MARK1: variants seen among roughly 807,000 people sequenced by gnomAD.
MARK1 encodes microtubule affinity regulating kinase 1.
In MARK1, 40 loss-of-function variants were observed where a neutral mutation model predicts 96.3. The ratio of observed to expected loss-of-function variants is 0.42; its 90% CI spans 0.32 to 0.54. The LOEUF is 0.54. MARK1 is among the 20% of genes least tolerant of loss of function. The pLI is 0.16. For synonymous variants in MARK1, 317 were observed against 341.2 expected (o/e 0.93, Z 0.78); for missense variants, 719 against 984.6 (o/e 0.73, Z 3.61).
At chr1:220,561,256 C>T (rs1662650667) in intron 1 of MARK1, among the ~76,000 whole-genome samples, 1 of 152,186 alleles carries the variant, frequency 6.6e-6, no homozygotes, top group South Asian at 2.1e-4. Flanking sequence ...GATAAATGCT[C>T]TGTATCAAGC....
intron 13 of MARK1, among the ~76,000 whole-genome samples, chr1:220,636,490 A>C (rs960795934): frequency 6.6e-6 from 1 of 152,184 alleles, no homozygotes; most frequent in Non-Finnish European, 1.5e-5. Flanking sequence ...AAAATATAAA[A>C]GAAAACTAAG....
chr1:220,596,948 T>TA (rs759389030), intron 3 of MARK1, among the ~76,000 whole-genome samples: 29 of 152,320 alleles, frequency 1.9e-4, no homozygotes, highest in Non-Finnish European at 3.4e-4. Flanking sequence ...AGGTACCTTA[T>TA]ATAAGCATAA....
intron 1 of MARK1, among the ~76,000 whole-genome samples, chr1:220,573,706 C>T (rs1663635341): frequency 6.6e-6 from 1 of 152,058 alleles, no homozygotes; most frequent in South Asian, 2.1e-4. Context: ...AGTTCATTGA[C>T]CCTTTCTTCT....
At chr1:220,626,240 G>T in intron 9 of MARK1, 1 of 529,964 alleles carries the variant, frequency 1.9e-6, no homozygotes, top group Non-Finnish European at 3.7e-6. Flanking sequence ...TATCACCAGA[G>T]GGTGCTGTAT....
chr1:220,572,532 C>T (rs971561162), intron 1 of MARK1, among the ~76,000 whole-genome samples: 5 of 152,148 alleles, frequency 3.3e-5, no homozygotes, highest in East Asian at 3.8e-4. Context: ...AGTGAGCCAC[C>T]GCGCCTGGTG....
At chr1:220,625,994 G>A in intron 9 of MARK1, 1 of 545,976 alleles carries the variant, frequency 1.8e-6, no homozygotes, top group Non-Finnish European at 3.7e-6. Context: ...ACATGTTCGA[G>A]CACAGCAAGC....
intron 3 of MARK1, among the ~76,000 whole-genome samples, chr1:220,588,733 A>G (rs1664807885): frequency 6.6e-6 from 1 of 152,208 alleles, no homozygotes. Context: ...GATAAAATAT[A>G]TATATACATA....
At chr1:220,640,199 C>A (rs532579104) in intron 13 of MARK1, among the ~76,000 whole-genome samples, 87 of 152,272 alleles carry the variant, frequency 5.7e-4, no homozygotes, top group African/African-American at 1.9e-3. Flanking sequence ...AACATTAAAT[C>A]CATTCAAATG....
At chr1:220,585,988 C>CAA (rs1239742854) in intron 3 of MARK1, among the ~76,000 whole-genome samples, 1 of 15,648 alleles carries the variant, frequency 6.4e-5, no homozygotes, top group South Asian at 0.056. Flanking sequence ...TACGTATACA[C>CAA]ACACACACAC....
intron 3 of MARK1, among the ~76,000 whole-genome samples, chr1:220,587,665 C>T (rs778722238): frequency 7.2e-5 from 11 of 152,218 alleles, no homozygotes; most frequent in East Asian, 1.9e-4. Flanking sequence ...CCACCGTGCC[C>T]AGCCTTGTTC....
At chr1:220,638,198 A>G (rs1176020974) in intron 13 of MARK1, among the ~76,000 whole-genome samples, 1 of 152,074 alleles carries the variant, frequency 6.6e-6, no homozygotes, top group East Asian at 1.9e-4. Context: ...CATAGCAGAA[A>G]GAAATAATTG....
intron 1 of MARK1, among the ~76,000 whole-genome samples, chr1:220,542,388 T>G (rs1490619399): frequency 1.3e-5 from 2 of 152,202 alleles, no homozygotes; most frequent in African/African-American, 4.8e-5. Flanking sequence ...CTTATTGAAT[T>G]GCTGGTATTT....
At chr1:220,610,224 A>G (rs1666359379) in intron 6 of MARK1, among the ~76,000 whole-genome samples, 1 of 152,114 alleles carries the variant, frequency 6.6e-6, no homozygotes, top group South Asian at 2.1e-4. Context: ...ACAGTCCCGT[A>G]TTTCTTGGAG....
intron 9 of MARK1, among the ~76,000 whole-genome samples, chr1:220,620,261 A>T (rs888863843): frequency 1.1e-4 from 16 of 152,352 alleles, no homozygotes; most frequent in Middle Eastern, 3.4e-3. Flanking sequence ...GTACTATATA[A>T]TGCCCACTTT....
rs1399497845 is a variant in MARK1, at chr1:220,557,124, A to T, written c.52-22230A>T. Among the ~76,000 whole-genome samples, 15 of 152,180 alleles carry T rather than the reference A, an allele frequency of 9.9e-5. No individual in the cohort carries two copies. The East Asian group carries it at 2.9e-3, about 29-fold the overall frequency. On this transcript the variant is annotated intron_variant, in intron 1 of 17. Coordinates refer to ENST00000366917, the MANE Select transcript of MARK1 (RefSeq NM_018650.5). ...ATGGCAAACTCACAATAGAAAGAAAATTTTAATAACAGAGAAAACATGATT... is the reference window on the plus strand; with the variant it reads ...ATGGCAAACTCACAATAGAAAGAAATTTTTAATAACAGAGAAAACATGATT...
At chr1:220,660,674 C>T (rs1669429898) in intron 17 of MARK1, among the ~76,000 whole-genome samples, 1 of 152,098 alleles carries the variant, frequency 6.6e-6, no homozygotes, top group South Asian at 2.1e-4. Context: ...TTTGATGAAG[C>T]TATGAAGGTT....
intron 5 of MARK1, among the ~76,000 whole-genome samples, chr1:220,602,365 A>C (rs1289850804): frequency 6.6e-6 from 1 of 152,174 alleles, no homozygotes. Flanking sequence ...ACCATGTGTC[A>C]GGTAATGTTC....
intron 1 of MARK1, among the ~76,000 whole-genome samples, chr1:220,550,646 G>C (rs1035498731): frequency 6.6e-6 from 1 of 152,208 alleles, no homozygotes; most frequent in African/African-American, 2.4e-5. Context: ...GAGCTGAGGA[G>C]TTCTTCTAAT....
At chr1:220,617,520 G>A (rs1016712526) in intron 7 of MARK1, among the ~76,000 whole-genome samples, 1 of 152,066 alleles carries the variant, frequency 6.6e-6, no homozygotes, top group Non-Finnish European at 1.5e-5. Context: ...CATTGTAATA[G>A]AGTTTAAAAT....
Sources: allele counts gnomAD v4.1 joint callset (sites outside exome capture counted in the v4.1 genomes callset), GRCh38; gene constraint gnomAD v4.1.1; transcripts MANE v1.5; gene names NCBI Gene and HGNC (gene_info 2026-07-23, HGNC 2026-07-21).